The following GCN1 variants were observed in gnomAD, a reference collection of about 807,000 sequenced individuals.
GCN1 encodes the protein GCN1 activator of EIF2AK4, also known as stalled ribosome sensor GCN1.
In GCN1, 90 loss-of-function variants were observed where a neutral mutation model predicts 288.4. That is an observed-to-expected ratio of 0.31 (90% CI 0.26 to 0.37). The LOEUF is 0.37. GCN1 is among the 10% of genes least tolerant of loss of function. The probability of loss-of-function intolerance (pLI) is 1.00; values close to 1 mark genes in which losing one functional copy is unlikely to be tolerated. For missense variants in GCN1, 2,586 were observed against 3,419.9 expected, an observed-to-expected ratio of 0.76 and a Z score of 6.08; for synonymous variants, 1,386 against 1,420.2, an observed-to-expected ratio of 0.98 and a Z score of 0.54.
intron 2 of GCN1, among the ~76,000 whole-genome samples, chr12:120,186,527 G>T (rs1013998498): frequency 2.6e-5 from 4 of 152,182 alleles, no homozygotes; most frequent in South Asian, 2.1e-4. Flanking sequence ...GGTGTAGGAA[G>T]AACCTGAGAG....
rs764365947 is a variant in GCN1, at chr12:120,145,333, G to A, written c.4948-3C>T. 1.1e-5 allele frequency: 17 copies of A among 1,576,712 alleles called. No individual in the cohort carries two copies. Among genetic ancestry groups the A allele is most frequent in the Middle Eastern group, 1.7e-4 (1 of 5,716 alleles). On this transcript the variant is annotated splice_region_variant and splice_polypyrimidine_tract_variant and intron_variant, in intron 38 of 57. Transcript: ENST00000300648. ...CTGGGCAGGTACGGAGCCAAGTCCT[G>A]CAACAACACAGGAGGCGGCTCAGGT...
Position 120,134,509 on chromosome 12 carries a change from A to G in GCN1, c.7202+24T>C, listed in dbSNP as rs759680273. On this transcript the variant is annotated intron_variant, in intron 52 of 57. Coordinates refer to ENST00000300648, the MANE Select transcript of GCN1 (RefSeq NM_006836.2). This position sits in a 1 kb window ranked among gnomAD's most constrained non-coding sequence, Gnocchi z 5.0. ...CAACCCCTGGCCTCCTGGAGGCCACAGTGCTCCCTTGCCAGCGCCGTACCT... is the reference window on the plus strand; with the variant it reads ...CAACCCCTGGCCTCCTGGAGGCCACGGTGCTCCCTTGCCAGCGCCGTACCT... 26 of 1,607,514 alleles carry G rather than the reference A, an allele frequency of 1.6e-5. No individual in the cohort carries two copies. Among genetic ancestry groups the G allele is most frequent in the African/African-American group, 2.7e-5 (2 of 74,780 alleles).
At chr12:120,146,479 T>C (rs1715255759) in intron 38 of GCN1, among the ~76,000 whole-genome samples, 2 of 152,022 alleles carry the variant, frequency 1.3e-5, no homozygotes, top group African/African-American at 4.8e-5. Context: ...TATCCTCCCA[T>C]TTCAGCATCC....
intron 7 of GCN1, among the ~76,000 whole-genome samples, chr12:120,178,255 T>C (rs568725497): frequency 1.6e-4 from 25 of 152,328 alleles, no homozygotes; most frequent in Admixed American, 2.0e-4. Flanking sequence ...TTAGCTAGAC[T>C]ATCTGTTTAA....
At chr12:120,152,760 C>T (rs1300179443) in intron 33 of GCN1, among the ~76,000 whole-genome samples, 1 of 151,548 alleles carries the variant, frequency 6.6e-6, no homozygotes. Context: ...TTAGAGGCTA[C>T]ATTAAAACGC....
At chr12:120,169,283 A>AG (rs1355748868) in intron 15 of GCN1, among the ~76,000 whole-genome samples, 1 of 85,330 alleles carries the variant, frequency 1.2e-5, no homozygotes, top group Non-Finnish European at 2.1e-5. Flanking sequence ...TCTCAAAAAA[A>AG]AAAAAAAAAA....
In GCN1 at chr12:120,157,849, C is replaced by A; in HGVS notation, c.3087G>T (p.Glu1029Asp). The A allele has an allele frequency of 6.2e-7, 1 of 1,612,582 alleles. No homozygotes were observed. Among genetic ancestry groups the A allele is most frequent in the Non-Finnish European group, 8.5e-7 (1 of 1,179,024 alleles). The change falls in exon 26 of 58, where the codon GAG becomes GAT. Residue 1029 changes from glutamate (E) to aspartate (D), a missense_variant and splice_region_variant. Coordinates refer to ENST00000300648, the MANE Select transcript of GCN1 (RefSeq NM_006836.2). ...AGGAGAGCAGAGCTTCCCTGCCAACCTCGTCCACCCGCCCGGGTGGGGTGT... is the reference window on the plus strand; with the variant it reads ...AGGAGAGCAGAGCTTCCCTGCCAACATCGTCCACCCGCCCGGGTGGGGTGT... Reference protein sequence around the residue: ...SPNTPPGRVDENGPELLPRVA... With the variant: ...SPNTPPGRVDDNGPELLPRVA...
In GCN1 at chr12:120,132,247, T is replaced by C. The variant is rs1876851095; in HGVS notation, c.7318-225A>G. On this transcript the variant is annotated intron_variant, in intron 53 of 57. Coordinates refer to ENST00000300648, the MANE Select transcript of GCN1 (RefSeq NM_006836.2). The stretch of plus-strand genomic sequence containing the variant: ...ATTACACAGCCAGCACTTCACTTAA[T>C]TATAGAAAACCCCAGTGTGTATGCA... Among the ~76,000 whole-genome samples, 3 of 152,228 alleles carry C rather than the reference T, an allele frequency of 2.0e-5. No homozygotes were observed. In the South Asian group the frequency reaches 6.2e-4, roughly 31 times the overall value.
chr12:120,175,182 T>C lies in GCN1; in HGVS notation c.1073A>G (p.Gln358Arg), dbSNP rs1313650322. Residue 358 changes from glutamine to arginine, a missense_variant, in exon 12 of 58, where the codon CAG becomes CGG. By Grantham distance (43) the Gln-to-Arg change is conservative (BLOSUM62 1). This residue lies in a region of GCN1 where 913 missense variants were observed against 1,107.0 expected (regional missense o/e 0.82). Coordinates refer to ENST00000300648, the MANE Select transcript of GCN1 (RefSeq NM_006836.2). ...TATACCTGAGAGGACGCTCATCTTC[T>C]GGGCTACAACAGTTAGTTTTCCTTC... is the stretch of plus-strand genomic sequence containing the variant. Reference protein sequence around the residue: ...GSEGKLTVVAQKMSVLSGIGS... With the variant: ...GSEGKLTVVARKMSVLSGIGS... 3.8e-6 allele frequency: 6 copies of C among 1,598,542 alleles called. No homozygotes were observed. The highest frequency in any genetic ancestry group is 4.3e-6 in the Non-Finnish European group (5 of 1,168,082).
chr12:120,143,019 G>A, intron 42 of GCN1, 78 bp from the exon 43 acceptor site: 1 of 817,346 alleles, frequency 1.2e-6, no homozygotes, highest in East Asian at 2.5e-5. Flanking sequence ...ACAGAAGATG[G>A]AAAGAAGTGC....
intron 15 of GCN1, 135 bp downstream of exon 15, chr12:120,170,034 T>A (rs1335598405): frequency 6.7e-6 from 5 of 743,252 alleles, no homozygotes; most frequent in Non-Finnish European, 1.2e-5. Context: ...AGGTTCATCC[T>A]GCAGATGACA....
chr12:120,140,100 A>C (rs953232567), intron 45 of GCN1, among the ~76,000 whole-genome samples: 1 of 152,248 alleles, frequency 6.6e-6, no homozygotes, highest in Non-Finnish European at 1.5e-5. Flanking sequence ...GTAAATTTTA[A>C]AAACCAAACG....
In GCN1 at chr12:120,142,960, A is replaced by G. The variant is rs1322963931; in HGVS notation, c.5496-19T>C. The G allele has an allele frequency of 1.4e-6, 2 of 1,421,424 alleles. No individual in the cohort carries two copies. The highest frequency in any genetic ancestry group is 2.3e-5 in the East Asian group (1 of 43,970). 88.1% of individuals were successfully genotyped at this position (1,421,424 alleles called of 1,614,324 possible). A position where few individuals can be genotyped will look rare whatever the true frequency, so the allele number is the denominator to read the frequency against. On this transcript the variant is annotated intron_variant, in intron 42 of 57. Coordinates refer to ENST00000300648, the MANE Select transcript of GCN1 (RefSeq NM_006836.2). The surrounding 1 kb of genome is among the most constrained non-coding windows in gnomAD (Gnocchi z 4.9). ...GCTGAACCTGAGAAGGAGGCCAACA[A>G]CACAGTCACACAGCTGCAAGGAGTG... is the stretch of plus-strand genomic sequence containing the variant.
intron 2 of GCN1, among the ~76,000 whole-genome samples, chr12:120,187,650 T>C (rs1175255590): frequency 1.3e-5 from 2 of 151,970 alleles, no homozygotes; most frequent in Non-Finnish European, 2.9e-5. Context: ...TGGAAAGCAG[T>C]AGCACAATCA....
chr12:120,177,357 CT>C (rs1878513844), intron 9 of GCN1, 89 bp downstream of exon 9: 6 of 689,864 alleles, frequency 8.7e-6, no homozygotes, highest in South Asian at 6.9e-5. Context: ...TCCCTCCCCC[CT>C]ACCACACACA....
At position 120,176,329 on chromosome 12, in the gene GCN1, T is replaced by C. The variant is rs550152551; in HGVS notation, c.839-112A>G. ...ACTAGGCCTGCTGTCTGGCCCTTCA[T>C]CTCTACAGGCTACATGAGTAGTCCC... On this transcript the variant is annotated intron_variant, in intron 9 of 57. Transcript: ENST00000300648. 1.0e-4 allele frequency: 74 copies of C among 717,892 alleles called. No individual in the cohort carries two copies. In the African/African-American group the frequency reaches 1.1e-3, roughly 11 times the overall value. 44.5% of individuals were successfully genotyped at this position (717,892 alleles called of 1,614,324 possible). A position where few individuals can be genotyped will look rare whatever the true frequency, so the allele number is the denominator to read the frequency against.
rs1361966622 is a variant in GCN1, at chr12:120,168,292, G to T, written c.1528C>A (p.Leu510Met). The T allele has an allele frequency of 6.3e-7, 1 of 1,598,922 alleles. No individual in the cohort carries two copies. The highest frequency in any genetic ancestry group is 2.2e-5 in the East Asian group (1 of 44,822). The change falls in exon 16 of 58, where the codon CTG becomes ATG. Residue 510 changes from leucine (L) to methionine (M), a missense_variant. By Grantham distance (15) the Leu-to-Met change is conservative. Transcript: ENST00000300648. ...ACAATCAACTGCCAGAAACTGCTCA[G>T]TTTGGCCTCTGCAAGAAACAAAAGG... The part of the protein sequence containing the change: ...SVADSQAEAK[L>M]SSFWQLIVDE...
At position 120,155,331 on chromosome 12, in the gene GCN1, G is replaced by C; in HGVS notation, c.3540C>G (p.Ala1180=). ...GTGCCACTGCTTGGGAGAGGGCTTCGGCCCCTGCCTGCCTTACAGCCGCCT... is the reference window on the plus strand; with the variant it reads ...GTGCCACTGCTTGGGAGAGGGCTTCCGCCCCTGCCTGCCTTACAGCCGCCT... ...YHEAAVRQAG[A]EALSQAVARY... Residue 1180 remains alanine, a synonymous_variant, in exon 30 of 58, where the codon GCC becomes GCG. Transcript: ENST00000300648. This position sits in a 1 kb window ranked among gnomAD's most constrained non-coding sequence, Gnocchi z 4.9. 6.2e-7 allele frequency: 1 copy of C among 1,614,186 alleles called. No homozygotes were observed. The highest frequency in any genetic ancestry group is 8.5e-7 in the Non-Finnish European group (1 of 1,180,046).
chr12:120,128,014 A>G, intron 57 of GCN1, 40 bp from the exon 58 acceptor site: 2 of 1,603,690 alleles, frequency 1.2e-6, no homozygotes, highest in Non-Finnish European at 1.7e-6. Context: ...TAGTCAGAAC[A>G]TACGGCTGCC....
Sources: gnomAD v4.1 joint callset for allele counts (sites outside exome capture counted in the v4.1 genomes callset) on GRCh38, gnomAD v4.1.1 for gene constraint, gnomAD v4.1.1 regional missense constraint, Gnocchi (gnomAD v3.1) non-coding constraint, MANE v1.5 for transcripts, NCBI Gene and HGNC (gene_info 2026-07-23, HGNC 2026-07-21) for gene names.